The following SLC35F3 variants were observed in gnomAD, a reference collection of about 807,000 sequenced individuals.
The protein encoded by SLC35F3 is putative thiamine transporter SLC35F3.
In SLC35F3, 25 loss-of-function variants were observed where a neutral mutation model predicts 49.9. The observed-to-expected ratio is 0.50, with a 90% CI of 0.37 to 0.70. SLC35F3 has a LOEUF of 0.70. Ranked by LOEUF, SLC35F3 falls within the 30% of genes least tolerant of loss-of-function variation. The pLI is 0.00. For synonymous variants in SLC35F3, 275 were observed against 265.4 expected (o/e 1.04, Z -0.35); for missense variants, 525 against 639.8 (o/e 0.82, Z 1.94).
chr1:234,086,260 G>A (rs1664959107), intron 2 of SLC35F3, among the ~76,000 whole-genome samples: 1 of 152,176 alleles, frequency 6.6e-6, no homozygotes, highest in East Asian at 1.9e-4. Flanking sequence ...ACAACAAGCT[G>A]TCTTGCTTAG....
chr1:234,088,873 T>G (rs905561510), intron 2 of SLC35F3, among the ~76,000 whole-genome samples: 1 of 152,252 alleles, frequency 6.6e-6, no homozygotes, highest in South Asian at 2.1e-4. Flanking sequence ...GCAATTCTGG[T>G]ACCTCAGCCT....
Position 234,231,424 on chromosome 1 carries a change from G to T in SLC35F3, c.291G>T (p.Glu97Asp), listed in dbSNP as rs1667369342. ...CGCCCTTCTCTTCCCCAGGGGAGGA[G>T]CGCCCCCGGGACTCCCCGGGCCCGG... ...QPWAASCKRE[E>D]RPRDSPGPAE... Residue 97 changes from glutamate (E) to aspartate (D), a missense_variant, in exon 3 of 8, where the codon GAG becomes GAT. Around this residue, in one of 4 missense-constraint regions of SLC35F3, gnomAD observed 228 missense variants for 218.9 expected, o/e 1.04. Coordinates refer to ENST00000366618, the MANE Select transcript of SLC35F3 (RefSeq NM_173508.4). This position sits in a 1 kb window ranked among gnomAD's most constrained non-coding sequence, Gnocchi z 5.4. The T allele has an allele frequency of 2.6e-6, 4 of 1,555,640 alleles. No individual in the cohort carries two copies. The highest frequency in any genetic ancestry group is 2.3e-5 in the East Asian group (1 of 43,654).
chr1:234,275,250 G>A (rs1431908795), intron 3 of SLC35F3, among the ~76,000 whole-genome samples: 3 of 151,764 alleles, frequency 2.0e-5, no homozygotes, highest in Non-Finnish European at 2.9e-5. Flanking sequence ...AAGTGTATCA[G>A]AAACGTAAAT....
chr1:234,136,495 A>G (rs1368031854), intron 2 of SLC35F3, among the ~76,000 whole-genome samples: 1 of 152,042 alleles, frequency 6.6e-6, no homozygotes, highest in African/African-American at 2.4e-5. Flanking sequence ...ACAAGCATGT[A>G]CCACAGCACC....
At chr1:234,023,683 G>A (rs770929944) in intron 2 of SLC35F3, among the ~76,000 whole-genome samples, 6 of 152,090 alleles carry the variant, frequency 3.9e-5, no homozygotes, top group Middle Eastern at 3.4e-3. Context: ...GGCAATCACC[G>A]CCTCAGGCAA....
At chr1:234,305,367 T>A (rs1246747046) in intron 3 of SLC35F3, among the ~76,000 whole-genome samples, 1 of 147,478 alleles carries the variant, frequency 6.8e-6, no homozygotes, top group Non-Finnish European at 1.5e-5. Context: ...TAATTAAATA[T>A]TCAGTAGCAG....
intron 2 of SLC35F3, among the ~76,000 whole-genome samples, chr1:234,221,014 G>A (rs1034197544): frequency 6.6e-5 from 10 of 152,200 alleles, no homozygotes; most frequent in African/African-American, 1.7e-4. Context: ...TAGGACATAA[G>A]GGAGGCAGGA....
At position 234,214,616 on chromosome 1, in the gene SLC35F3, G is replaced by C; in HGVS notation, c.284-16801G>C. 2 of 1,508,614 alleles carry C rather than the reference G, an allele frequency of 1.3e-6. No homozygotes were observed. Among genetic ancestry groups the C allele is most frequent in the African/African-American group, 2.9e-5 (2 of 69,500 alleles). 93.5% of individuals were successfully genotyped at this position (1,508,614 alleles called of 1,614,324 possible). The stretch of plus-strand genomic sequence containing the variant: ...TCGCCCCGGGGGTCCCTGCACCCTA[G>C]CCGGGGAATGCTGCCACCCTGAGGG... On this transcript the variant is annotated intron_variant, in intron 2 of 7. Transcript: ENST00000366618. The surrounding 1 kb of genome is among the most constrained non-coding windows in gnomAD (Gnocchi z 8.0).
intron 2 of SLC35F3, among the ~76,000 whole-genome samples, chr1:234,107,573 T>A (rs1297357933): frequency 6.6e-6 from 1 of 152,154 alleles, no homozygotes; most frequent in East Asian, 1.9e-4. Flanking sequence ...TTCACTATCA[T>A]GTGTATGACT....
chr1:234,108,473 A>ATATATATATAAAAGATATATATTATT (rs1558231538), intron 2 of SLC35F3, among the ~76,000 whole-genome samples: 1 of 80,734 alleles, frequency 1.2e-5, no homozygotes, highest in African/African-American at 3.9e-5. Flanking sequence ...TATATAAAAG[A>ATATATATATAAAAGATATATATTATT]TATATATATA....
At chr1:234,244,106 T>C (rs1214245878) in intron 3 of SLC35F3, among the ~76,000 whole-genome samples, 1 of 152,160 alleles carries the variant, frequency 6.6e-6, no homozygotes, top group Non-Finnish European at 1.5e-5. Flanking sequence ...TGACATTGAT[T>C]AGTATGATCT....
chr1:233,977,718 A>G (rs1165458013), intron 2 of SLC35F3, among the ~76,000 whole-genome samples: 1 of 152,188 alleles, frequency 6.6e-6, no homozygotes, highest in African/African-American at 2.4e-5. Flanking sequence ...TTGGGACTGA[A>G]GCCCTCAACA....
Position 233,917,247 on chromosome 1 carries a change from C to T in SLC35F3, c.283+11489C>T, listed in dbSNP as rs193276184. The stretch of plus-strand genomic sequence containing the variant: ...GGGAGTATTTTCAATCAACAATGAC[C>T]AGCCTTAAACTAAACTCTATATTAT... On this transcript the variant is annotated intron_variant, in intron 2 of 7. Coordinates refer to ENST00000366618, the MANE Select transcript of SLC35F3 (RefSeq NM_173508.4). Among the ~76,000 whole-genome samples, 5 of 152,268 alleles carry T rather than the reference C, an allele frequency of 3.3e-5. No homozygotes were observed. In the East Asian group the frequency reaches 7.7e-4, roughly 24 times the overall value.
In SLC35F3 at chr1:234,318,958, C is replaced by T; in HGVS notation, c.1147+15C>T. The T allele has an allele frequency of 5.6e-6, 9 of 1,608,228 alleles. No individual in the cohort carries two copies. The highest frequency in any genetic ancestry group is 7.6e-6 in the Non-Finnish European group (9 of 1,176,828). On this transcript the variant is annotated intron_variant, in intron 6 of 7. Transcript: ENST00000366618. ...TCTTTTATTGAGTAAGTGCTAATCA[C>T]CTGTCCAGAATTCCCAGAAAGCAAC...
intron 3 of SLC35F3, among the ~76,000 whole-genome samples, chr1:234,290,528 A>G (rs911514605): frequency 6.6e-6 from 1 of 152,182 alleles, no homozygotes; most frequent in Non-Finnish European, 1.5e-5. Context: ...CTGAAGTGGA[A>G]GTGATGGCTT....
intron 3 of SLC35F3, among the ~76,000 whole-genome samples, chr1:234,263,843 C>T (rs1459107515): frequency 6.6e-6 from 1 of 152,190 alleles, no homozygotes; most frequent in Non-Finnish European, 1.5e-5. Context: ...AGCATGGTGG[C>T]TCACGCTTGT....
chr1:234,069,060 T>TATATAATTTTACTATATATAATATATAAA (rs1664670029), intron 2 of SLC35F3, among the ~76,000 whole-genome samples: 2 of 88,942 alleles, frequency 2.2e-5, no homozygotes, highest in East Asian at 2.9e-4. Flanking sequence ...TAATATATAT[T>TATATAATTTTACTATATATAATATATAAA]ATAATATATA....
chr1:233,993,149 T>G (rs1263875578), intron 2 of SLC35F3, among the ~76,000 whole-genome samples: 2 of 152,198 alleles, frequency 1.3e-5, no homozygotes, highest in East Asian at 3.8e-4. Flanking sequence ...ATATTTTTAG[T>G]AGAGACGGGG....
intron 3 of SLC35F3, chr1:234,261,631 A>T (rs1572121448): frequency 6.6e-6 from 1 of 152,120 alleles, no homozygotes; most frequent in African/African-American, 2.4e-5. Context: ...TGTGACCTGT[A>T]TCTTGTGCCT....
Sources: allele counts gnomAD v4.1 joint callset (sites outside exome capture counted in the v4.1 genomes callset), GRCh38; gene constraint gnomAD v4.1.1; regional missense constraint gnomAD v4.1.1; non-coding constraint Gnocchi (gnomAD v3.1); transcripts MANE v1.5; gene names NCBI Gene and HGNC (gene_info 2026-07-23, HGNC 2026-07-21).